SORBS2: variants seen among roughly 807,000 people sequenced by gnomAD.
SORBS2 encodes the protein sorbin and SH3 domain containing 2.
A neutral mutation model predicts 97.7 loss-of-function variants in SORBS2; 46 were observed. The observed-to-expected ratio is 0.47, with a 90% CI of 0.37 to 0.60. The LOEUF (loss-of-function observed/expected upper bound fraction) is 0.60, where lower values mean the gene tolerates loss of function less well. Ranked by LOEUF, SORBS2 falls within the 20% of genes least tolerant of loss-of-function variation. The pLI is 0.00. For synonymous variants in SORBS2, 476 were observed against 473.4 expected (o/e 1.01, Z -0.07); for missense variants, 1,316 against 1,282.3 (o/e 1.03, Z -0.40).
Position 185,623,932 on chromosome 4 carries a change from C to G in SORBS2, c.1197G>C (p.Gln399His). The G allele has an allele frequency of 1.2e-6, 2 of 1,614,210 alleles. No individual in the cohort carries two copies. ...CCCGGGGCACCTCCTCCGTGGAGCA[C>G]TGGCTCCAGGCGCGCAGCAGGTCCT... Residue 399 changes from glutamine (Q) to histidine (H), a missense_variant, in exon 7 of 15, where the codon CAG becomes CAC. Gln to His is a conservative substitution (Grantham distance 24). Transcript: ENST00000418609. This position sits in a 1 kb window ranked among gnomAD's most constrained non-coding sequence, Gnocchi z 6.4.
At chr4:185,614,159 G>GTTTTTTTTTTTTTTTTTTT (rs34929054) in intron 11 of SORBS2, among the ~76,000 whole-genome samples, 10 of 91,610 alleles carry the variant, frequency 1.1e-4, no homozygotes, top group Admixed American at 2.9e-4. Flanking sequence ...GTTTTTTTGT[G>GTTTTTTTTTTTTTTTTTTT]TTTTTTTTTT....
chr4:185,721,842 T>C (rs1052986433), intron 2 of SORBS2, among the ~76,000 whole-genome samples: 5 of 152,232 alleles, frequency 3.3e-5, no homozygotes, highest in Admixed American at 2.0e-4. Flanking sequence ...TTACAGACTT[T>C]GGTTCCGTAT....
Position 185,623,624 on chromosome 4 carries a change from C to G in SORBS2, c.1505G>C (p.Ser502Thr), listed in dbSNP as rs2096756956. 1 of 1,614,120 alleles carries G rather than the reference C, an allele frequency of 6.2e-7. No homozygotes were observed. The highest frequency in any genetic ancestry group is 8.5e-7 in the Non-Finnish European group (1 of 1,180,022). ...GTCGGACACAACCCCGTCCTGGTCG[C>G]TGTCGGAAAACTCCACGTGTGCTCG... Residue 502 changes from serine to threonine, a missense_variant, in exon 7 of 15, where the codon AGC becomes ACC. Physicochemically the swap from Ser to Thr is moderately conservative, Grantham distance 58. Transcript: ENST00000418609. The surrounding 1 kb of genome is among the most constrained non-coding windows in gnomAD (Gnocchi z 6.4).
chr4:185,657,982 A>C (rs1344997307), upstream of SORBS2, among the ~76,000 whole-genome samples: 1 of 152,220 alleles, frequency 6.6e-6, no homozygotes, highest in East Asian at 1.9e-4. Flanking sequence ...AGACAAGTTC[A>C]GTAATTTCCC....
At chr4:185,785,343 A>G (rs1288599762) in intron 1 of SORBS2, among the ~76,000 whole-genome samples, 1 of 152,342 alleles carries the variant, frequency 6.6e-6, no homozygotes, top group Admixed American at 6.5e-5. Flanking sequence ...AGAGTTAAAC[A>G]AAGTTAAAAA....
At chr4:185,856,909 A>C (rs2099220845) in intron 1 of SORBS2, among the ~76,000 whole-genome samples, 1 of 152,158 alleles carries the variant, frequency 6.6e-6, no homozygotes, top group South Asian at 2.1e-4. Context: ...ACCACACTGA[A>C]ATCATCAGCT....
intron 12 of SORBS2, among the ~76,000 whole-genome samples, chr4:185,608,478 T>C (rs776825628): frequency 6.7e-6 from 1 of 149,764 alleles, no homozygotes; most frequent in Admixed American, 6.7e-5. Context: ...AGAGGAGGTA[T>C]GAGTTATGAA....
intron 1 of SORBS2, among the ~76,000 whole-genome samples, chr4:185,834,299 G>C (rs981107582): frequency 6.6e-6 from 1 of 151,978 alleles, no homozygotes; most frequent in Admixed American, 6.6e-5. Flanking sequence ...CTCCCACCAG[G>C]CTCCACCTCC....
At chr4:185,910,305 C>T (rs1219746562) in intron 1 of SORBS2, among the ~76,000 whole-genome samples, 1 of 152,180 alleles carries the variant, frequency 6.6e-6, no homozygotes, top group African/African-American at 2.4e-5. Flanking sequence ...CAATGCGTTT[C>T]CTGTGTTTCT....
chr4:185,639,558 C>A (rs1487155294), intron 4 of SORBS2, among the ~76,000 whole-genome samples: 2 of 152,140 alleles, frequency 1.3e-5, no homozygotes, highest in Non-Finnish European at 2.9e-5. Context: ...TAATACATGG[C>A]TGACTAGATT....
intron 1 of SORBS2, among the ~76,000 whole-genome samples, chr4:185,947,592 C>T (rs996951410): frequency 6.9e-6 from 1 of 144,186 alleles, no homozygotes; most frequent in African/African-American, 2.6e-5. Context: ...ATAGGGATTA[C>T]AAAATCTCTT....
intron 1 of SORBS2, among the ~76,000 whole-genome samples, chr4:185,779,595 G>C (rs2099017331): frequency 6.6e-6 from 1 of 152,144 alleles, no homozygotes; most frequent in South Asian, 2.1e-4. Context: ...ATTCTCAATT[G>C]ATTCCTCATC....
At chr4:185,817,318 GC>G in intron 1 of SORBS2, among the ~76,000 whole-genome samples, 1 of 152,112 alleles carries the variant, frequency 6.6e-6, no homozygotes. Context: ...AGTACTCCTG[GC>G]TTTTATTAAA....
chr4:185,946,803 G>A (rs1022080164), intron 1 of SORBS2, among the ~76,000 whole-genome samples: 2 of 152,026 alleles, frequency 1.3e-5, no homozygotes, highest in Non-Finnish European at 2.9e-5. Flanking sequence ...TAAAACCTTC[G>A]GTTGGCTTTT....
intron 12 of SORBS2, among the ~76,000 whole-genome samples, chr4:185,598,809 A>G (rs2153375739): frequency 6.6e-6 from 1 of 152,320 alleles, no homozygotes; most frequent in East Asian, 1.9e-4. Flanking sequence ...CTAAAAAAAT[A>G]GAATATTTAT....
chr4:185,612,650 G>A (rs1027077222), intron 11 of SORBS2, among the ~76,000 whole-genome samples: 1 of 151,812 alleles, frequency 6.6e-6, no homozygotes, highest in Non-Finnish European at 1.5e-5. Context: ...CACCAGGCCC[G>A]GCTAATTTTT....
chr4:185,933,631 C>T (rs146127061), intron 1 of SORBS2, among the ~76,000 whole-genome samples: 88 of 152,136 alleles, frequency 5.8e-4, no homozygotes, highest in African/African-American at 1.4e-3. Flanking sequence ...TCCCCTTGCG[C>T]GTGTGTCCAT....
intron 1 of SORBS2, among the ~76,000 whole-genome samples, chr4:185,924,831 TCTTC>T (rs1319631453): frequency 6.6e-6 from 1 of 152,170 alleles, no homozygotes; most frequent in Non-Finnish European, 1.5e-5. Context: ...GCTGTTTTCT[TCTTC>T]CTTCCTTCTT....
At chr4:185,739,601 T>A (rs1223080552) in intron 2 of SORBS2, among the ~76,000 whole-genome samples, 1 of 152,242 alleles carries the variant, frequency 6.6e-6, no homozygotes, top group East Asian at 1.9e-4. Context: ...GTGTTCAGGA[T>A]GAGGGCTTCT....
Sources: gnomAD v4.1 joint callset for allele counts (sites outside exome capture counted in the v4.1 genomes callset) on GRCh38, gnomAD v4.1.1 for gene constraint, Gnocchi (gnomAD v3.1) non-coding constraint, MANE v1.5 for transcripts, NCBI Gene and HGNC (gene_info 2026-07-23, HGNC 2026-07-21) for gene names.